The following STPG2 variants were observed in gnomAD, a reference collection of about 807,000 sequenced individuals.
The protein encoded by STPG2 is sperm-tail PG-rich repeat-containing protein 2.
STPG2 carries 56 observed loss-of-function variants against 54.2 expected under a neutral mutation model. The ratio of observed to expected loss-of-function variants is 1.03; its 90% CI spans 0.83 to 1.29. The LOEUF (loss-of-function observed/expected upper bound fraction) is 1.29, where lower values mean the gene tolerates loss of function less well. Among genes scored for constraint, STPG2 ranks in the 50% most tolerant of loss-of-function variants. The pLI is 0.00. For missense variants in STPG2, 596 were observed against 544.9 expected, an observed-to-expected ratio of 1.09 and a Z score of -0.93; for synonymous variants, 200 against 181.8, an observed-to-expected ratio of 1.10 and a Z score of -0.81.
At chr4:97,599,610 T>A (rs1035333265) in intron 10 of STPG2, among the ~76,000 whole-genome samples, 1 of 151,964 alleles carries the variant, frequency 6.6e-6, no homozygotes, top group African/African-American at 2.4e-5. Flanking sequence ...GATCATCAGG[T>A]CAGGAGATCA....
chr4:97,937,141 G>C (rs1477132262), intron 8 of STPG2, among the ~76,000 whole-genome samples: 1 of 151,734 alleles, frequency 6.6e-6, no homozygotes, highest in Non-Finnish European at 1.5e-5. Context: ...TTCAAGTTCT[G>C]ATATTCTTTC....
intron 9 of STPG2, among the ~76,000 whole-genome samples, chr4:97,807,986 G>A (rs971586002): frequency 2.0e-5 from 3 of 151,796 alleles, no homozygotes; most frequent in African/African-American, 7.2e-5. Flanking sequence ...AACAATGGAA[G>A]CCAAATATAA....
chr4:97,891,042 T>G (rs1325162060), intron 8 of STPG2, among the ~76,000 whole-genome samples: 1 of 151,818 alleles, frequency 6.6e-6, no homozygotes, highest in Non-Finnish European at 1.5e-5. Flanking sequence ...AACCAAAAAG[T>G]GCTAGAAATA....
At chr4:98,059,079 T>G (rs983795735) in intron 5 of STPG2, among the ~76,000 whole-genome samples, 1 of 150,204 alleles carries the variant, frequency 6.7e-6, no homozygotes, top group Non-Finnish European at 1.5e-5. Flanking sequence ...AAAAAATTAG[T>G]AAGATAGATA....
intron 5 of STPG2, chr4:98,025,478 G>T: frequency 1.9e-6 from 1 of 534,924 alleles, no homozygotes; most frequent in Non-Finnish European, 3.5e-6. Flanking sequence ...TGAATACCAT[G>T]CTTGGAAACA....
chr4:97,893,480 A>G (rs1419458146), intron 8 of STPG2, among the ~76,000 whole-genome samples: 1 of 152,080 alleles, frequency 6.6e-6, no homozygotes, highest in African/African-American at 2.4e-5. Context: ...CAGGGCTGAT[A>G]TAACACTCCT....
intron 9 of STPG2, among the ~76,000 whole-genome samples, chr4:97,825,575 C>A (rs1387579972): frequency 1.3e-5 from 2 of 152,084 alleles, no homozygotes; most frequent in African/African-American, 4.8e-5. Context: ...CCCAACTGTG[C>A]CTGCTTATTA....
intron 5 of STPG2, among the ~76,000 whole-genome samples, chr4:97,984,046 C>A (rs1201193948): frequency 7.4e-6 from 1 of 135,188 alleles, no homozygotes; most frequent in African/African-American, 2.8e-5. Flanking sequence ...CTCAGATTAT[C>A]AACTTTTTTG....
chr4:97,938,015 C>A (rs957917778), intron 8 of STPG2, among the ~76,000 whole-genome samples: 5 of 152,166 alleles, frequency 3.3e-5, no homozygotes, highest in Non-Finnish European at 7.3e-5. Context: ...TCCACAGAGA[C>A]CATGGCCACC....
intron 9 of STPG2, among the ~76,000 whole-genome samples, chr4:97,722,084 G>T (rs1248313696): frequency 3.4e-5 from 5 of 145,190 alleles, no homozygotes; most frequent in East Asian, 2.0e-4. Context: ...TTTTAACAAT[G>T]TCCAGGAGGG....
At position 97,472,680 on chromosome 4, in the gene STPG2, C is replaced by T. The variant is rs1386337310; in HGVS notation, c.462+240019G>A. On this transcript the variant is annotated intron_variant, in intron 4 of 4. Coordinates refer to the STPG2 transcript ENST00000522676. ...CTATTCAGCAAGAAAATTAAATGAG[C>T]TACCAAGCCATGAAAAGACAAGGAG... Among the ~76,000 whole-genome samples, 7 of 152,202 alleles carry T rather than the reference C, an allele frequency of 4.6e-5. No individual in the cohort carries two copies. The South Asian group carries it at 6.2e-4, about 14-fold the overall frequency.
intron 10 of STPG2, among the ~76,000 whole-genome samples, chr4:97,615,275 T>C (rs760815008): frequency 6.6e-6 from 1 of 152,264 alleles, no homozygotes; most frequent in Non-Finnish European, 1.5e-5. Context: ...ATGAATTTAT[T>C]TGAATGTATT....
chr4:98,101,274 A>G (rs2110136257), intron 5 of STPG2, among the ~76,000 whole-genome samples: 1 of 152,324 alleles, frequency 6.6e-6, no homozygotes, highest in African/African-American at 2.4e-5. Context: ...AAAGTTAGGG[A>G]TCAAGCATGA....
intron 9 of STPG2, among the ~76,000 whole-genome samples, chr4:97,788,890 GTCT>G (rs1414191370): frequency 6.6e-6 from 1 of 151,898 alleles, no homozygotes; most frequent in African/African-American, 2.4e-5. Flanking sequence ...TTTAGTGTGT[GTCT>G]TCTTCTTGTC....
intron 8 of STPG2, among the ~76,000 whole-genome samples, chr4:97,909,792 T>C (rs1731609071): frequency 6.6e-6 from 1 of 152,162 alleles, no homozygotes; most frequent in Admixed American, 6.5e-5. Context: ...AGCAGACTTC[T>C]TTAAATGGTA....
intron 10 of STPG2, among the ~76,000 whole-genome samples, chr4:97,573,714 T>C (rs984491742): frequency 1.3e-5 from 2 of 152,142 alleles, no homozygotes; most frequent in Non-Finnish European, 2.9e-5. Context: ...TATCCACATA[T>C]ATTAATTATC....
At chr4:97,470,411 T>C (rs187692466) in intron 4 of STPG2, among the ~76,000 whole-genome samples, 1 of 152,112 alleles carries the variant, frequency 6.6e-6, no homozygotes, top group Non-Finnish European at 1.5e-5. Context: ...TATATATTTT[T>C]CCTAAAATAT....
At chr4:97,992,574 C>T (rs1366468103) in intron 5 of STPG2, among the ~76,000 whole-genome samples, 1 of 152,004 alleles carries the variant, frequency 6.6e-6, no homozygotes, top group Non-Finnish European at 1.5e-5. Context: ...CTTTCTTTGG[C>T]TATGTGGGTC....
At chr4:97,552,860 G>T (rs1381614466) in intron 4 of STPG2, among the ~76,000 whole-genome samples, 1 of 152,106 alleles carries the variant, frequency 6.6e-6, no homozygotes, top group Non-Finnish European at 1.5e-5. Context: ...GTAGTTCAGT[G>T]AAATCATTTT....
Sources: allele counts gnomAD v4.1 joint callset (sites outside exome capture counted in the v4.1 genomes callset), GRCh38; gene constraint gnomAD v4.1.1; transcripts MANE v1.5; gene names NCBI Gene and HGNC (gene_info 2026-07-23, HGNC 2026-07-21).